The following ARHGEF7 variants were observed in gnomAD, a reference collection of about 807,000 sequenced individuals.
ARHGEF7 encodes the protein Rho guanine nucleotide exchange factor 7.
A neutral mutation model predicts 109.8 loss-of-function variants in ARHGEF7; 33 were observed. The observed-to-expected ratio is 0.30, with a 90% CI of 0.23 to 0.40. The LOEUF (loss-of-function observed/expected upper bound fraction) is 0.40. Among genes scored for constraint, ARHGEF7 ranks in the 10% least tolerant of loss-of-function variants. The pLI, the probability that ARHGEF7 is intolerant of heterozygous loss-of-function variation, is 1.00. For synonymous variants in ARHGEF7, 458 were observed against 424.6 expected, an observed-to-expected ratio of 1.08 and a Z score of -0.97; for missense variants, 938 against 1,098.5, an observed-to-expected ratio of 0.85 and a Z score of 2.07.
chr13:111,226,775 A>G (rs2085268850), intron 5 of ARHGEF7, among the ~76,000 whole-genome samples: 1 of 152,340 alleles, frequency 6.6e-6, no homozygotes, highest in Middle Eastern at 3.4e-3. Flanking sequence ...CATTTAAGGA[A>G]TACATTTTGT....
intron 8 of ARHGEF7, among the ~76,000 whole-genome samples, chr13:111,253,543 T>C (rs1046700488): frequency 3.3e-5 from 5 of 152,200 alleles, no homozygotes; most frequent in Non-Finnish European, 1.5e-5. Context: ...ACTCTCCGTC[T>C]CTTTGTTTAG....
intron 6 of ARHGEF7, among the ~76,000 whole-genome samples, chr13:111,236,479 T>A (rs942656): frequency 0.87 from 132,840 of 152,226 alleles, 58,197 homozygotes; most frequent in South Asian, 0.93. Context: ...CTCCCCTGGG[T>A]TATACTGTTG....
chr13:111,115,874 G>C (rs2066709898), intron 1 of ARHGEF7, among the ~76,000 whole-genome samples, 183 bp downstream of exon 1: 1 of 150,094 alleles, frequency 6.7e-6, no homozygotes, highest in Admixed American at 6.6e-5. Context: ...ATTGTGTGCG[G>C]GGCAGGGGGA....
intron 2 of ARHGEF7, among the ~76,000 whole-genome samples, chr13:111,174,484 T>C (rs903201462): frequency 2.6e-5 from 4 of 152,226 alleles, no homozygotes; most frequent in Non-Finnish European, 5.9e-5. Context: ...TGTCTCCCTT[T>C]CTTGCTCTTC....
At chr13:111,139,160 G>T (rs1004612517) in intron 1 of ARHGEF7, among the ~76,000 whole-genome samples, 34 of 152,236 alleles carry the variant, frequency 2.2e-4, no homozygotes, top group Non-Finnish European at 4.4e-4. Context: ...GATGGCAGAA[G>T]ATTGATTAGT....
chr13:111,227,590 T>A (rs1056722457), intron 5 of ARHGEF7, among the ~76,000 whole-genome samples: 7 of 152,240 alleles, frequency 4.6e-5, no homozygotes, highest in Non-Finnish European at 8.8e-5. Context: ...ATAGCTTTTA[T>A]ATGCAGTAGG....
chr13:111,150,108 TG>T (rs2153369872), intron 1 of ARHGEF7, among the ~76,000 whole-genome samples: 1 of 152,354 alleles, frequency 6.6e-6, no homozygotes, highest in South Asian at 2.1e-4. Flanking sequence ...TTGATGGTGT[TG>T]GCAACTGTCT....
chr13:111,294,458 T>C (rs930436969), intron 19 of ARHGEF7: 20 of 985,370 alleles, frequency 2.0e-5, no homozygotes, highest in South Asian at 4.7e-5. Flanking sequence ...TTCATTGATA[T>C]TCTATACACC....
intron 5 of ARHGEF7, among the ~76,000 whole-genome samples, chr13:111,220,505 A>G (rs960814979): frequency 6.6e-6 from 1 of 152,220 alleles, no homozygotes; most frequent in African/African-American, 2.4e-5. Flanking sequence ...AATTACGCTG[A>G]AAAGATGGGG....
intron 3 of ARHGEF7, among the ~76,000 whole-genome samples, chr13:111,207,877 A>T (rs555378247): frequency 6.6e-6 from 1 of 152,324 alleles, no homozygotes; most frequent in East Asian, 1.9e-4. Flanking sequence ...TGGATGTAAA[A>T]TAGATAGCTT....
chr13:111,122,339 T>C (rs529342185), intron 1 of ARHGEF7, among the ~76,000 whole-genome samples: 1 of 152,366 alleles, frequency 6.6e-6, no homozygotes, highest in Non-Finnish European at 1.5e-5. Flanking sequence ...ACCTGGTGTC[T>C]GCAGAGAGAG....
Position 111,216,701 on chromosome 13 carries a change from G to A in ARHGEF7, c.469-978G>A, listed in dbSNP as rs145418045. On this transcript the variant is annotated intron_variant, in intron 4 of 21. Transcript: ENST00000646102. ...ACTGCGTTGCAGGTGGGCTGGGCTC[G>A]CTTACCATCAGTGGTAGGGAAGAGG... Among the ~76,000 whole-genome samples, 136 of 152,294 alleles carry A rather than the reference G, an allele frequency of 8.9e-4. 2 individuals are homozygous for A. In the East Asian group the frequency reaches 0.021, roughly 24 times the overall value.
intron 1 of ARHGEF7, among the ~76,000 whole-genome samples, chr13:111,120,270 C>T (rs2067092874): frequency 6.6e-6 from 1 of 152,210 alleles, no homozygotes; most frequent in Non-Finnish European, 1.5e-5. Flanking sequence ...CAATTTAAAT[C>T]AGGAGTGCCT....
At chr13:111,173,292 G>A (rs760148808) in intron 2 of ARHGEF7, among the ~76,000 whole-genome samples, 3 of 152,194 alleles carry the variant, frequency 2.0e-5, no homozygotes, top group Non-Finnish European at 4.4e-5. Context: ...CTGGCAGCCT[G>A]GAGGGGTGGT....
chr13:111,202,201 T>A (rs2081286670), intron 2 of ARHGEF7, among the ~76,000 whole-genome samples: 1 of 152,310 alleles, frequency 6.6e-6, no homozygotes, highest in Non-Finnish European at 1.5e-5. Flanking sequence ...CCCAGCATGG[T>A]GCCTGTGTGG....
chr13:111,221,442 T>C lies in ARHGEF7; in HGVS notation c.670+3562T>C, dbSNP rs370950842. 9.5e-4 allele frequency among the ~76,000 whole-genome samples: 34 copies of C among 35,952 alleles called. 3 individuals carry two copies. The highest frequency in any genetic ancestry group is 1.3e-3 in the Non-Finnish European group (20 of 15,712). 23.6% of individuals were successfully genotyped at this position (35,952 alleles called of 152,430 possible). Reference sequence around the variant, plus strand: ...CTATATATCTATATATAGATATATATATCTATATATATAGATATATAGACA... The same window carrying C: ...CTATATATCTATATATAGATATATACATCTATATATATAGATATATAGACA... On this transcript the variant is annotated intron_variant, in intron 5 of 21. Transcript: ENST00000646102.
intron 12 of ARHGEF7, 22 bp downstream of exon 12, chr13:111,275,700 C>CA: frequency 6.2e-7 from 1 of 1,613,910 alleles, no homozygotes; most frequent in Non-Finnish European, 8.5e-7. Flanking sequence ...CACATGCACG[C>CA]ACCAGGGTTT....
chr13:111,237,528 TA>T (rs907600847), intron 6 of ARHGEF7, among the ~76,000 whole-genome samples: 2 of 152,252 alleles, frequency 1.3e-5, no homozygotes, highest in African/African-American at 4.8e-5. Context: ...CTTTAATTTC[TA>T]AATTTCTTGA....
chr13:111,177,787 T>A (rs966822895), intron 2 of ARHGEF7, among the ~76,000 whole-genome samples: 7 of 152,238 alleles, frequency 4.6e-5, no homozygotes, highest in African/African-American at 9.6e-5. Flanking sequence ...TTTTTCAACA[T>A]GCTATTGAAC....
Sources: gnomAD v4.1 joint callset for allele counts (sites outside exome capture counted in the v4.1 genomes callset) on GRCh38, gnomAD v4.1.1 for gene constraint, MANE v1.5 for transcripts, NCBI Gene and HGNC (gene_info 2026-07-23, HGNC 2026-07-21) for gene names.